The following LUZP2 variants were observed in gnomAD, a reference collection of about 807,000 sequenced individuals.
LUZP2 encodes the protein leucine zipper protein 2.
LUZP2 carries 52 observed loss-of-function variants against 51.6 expected under a neutral mutation model. That is an observed-to-expected ratio of 1.01 (90% CI 0.81 to 1.27). LUZP2 has a LOEUF of 1.27. Ranked by LOEUF, LUZP2 falls within the 50% of genes most tolerant of loss-of-function variation. The pLI is 0.00. For synonymous variants in LUZP2, 154 were observed against 137.3 expected (o/e 1.12, Z -0.85); for missense variants, 436 against 395.4 (o/e 1.10, Z -0.87).
At chr11:24,834,987 G>A (rs1020006203) in intron 5 of LUZP2, among the ~76,000 whole-genome samples, 3 of 152,038 alleles carry the variant, frequency 2.0e-5, no homozygotes, top group African/African-American at 7.3e-5. Flanking sequence ...GTAGATTCTG[G>A]ATATTAGACC....
chr11:24,650,048 A>T lies in LUZP2; in HGVS notation c.63-79121A>T, dbSNP rs527262636. 2.6e-5 allele frequency among the ~76,000 whole-genome samples: 4 copies of T among 151,474 alleles called. No homozygotes were observed. The East Asian group carries it at 7.8e-4, about 30-fold the overall frequency. On this transcript the variant is annotated intron_variant, in intron 1 of 11. Coordinates refer to ENST00000336930, the MANE Select transcript of LUZP2 (RefSeq NM_001009909.4). ...TTTTCTTACTTCTGCTGATCATCCTATATCTGTTCCAAGCTATTAAGGCCT... is the reference window on the plus strand; with the variant it reads ...TTTTCTTACTTCTGCTGATCATCCTTTATCTGTTCCAAGCTATTAAGGCCT...
At chr11:25,072,157 C>T (rs919604541) in intron 10 of LUZP2, among the ~76,000 whole-genome samples, 1 of 152,106 alleles carries the variant, frequency 6.6e-6, no homozygotes, top group Non-Finnish European at 1.5e-5. Flanking sequence ...TATGCCTGAT[C>T]TCAAAGCCTG....
chr11:24,975,595 A>G (rs894319009), intron 7 of LUZP2, among the ~76,000 whole-genome samples: 1 of 152,076 alleles, frequency 6.6e-6, no homozygotes, highest in African/African-American at 2.4e-5. Context: ...TGCTATATGT[A>G]TACAGATAAT....
intron 5 of LUZP2, among the ~76,000 whole-genome samples, chr11:24,904,581 C>A (rs1853387573): frequency 6.6e-6 from 1 of 152,170 alleles, no homozygotes; most frequent in Non-Finnish European, 1.5e-5. Flanking sequence ...CCACGCCCGA[C>A]CTATTTTGCC....
chr11:25,000,869 C>G (rs1007310438), intron 9 of LUZP2, among the ~76,000 whole-genome samples: 1 of 152,092 alleles, frequency 6.6e-6, no homozygotes, highest in South Asian at 2.1e-4. Context: ...ACTATCCTTA[C>G]TGAATAGATT....
At chr11:24,896,204 C>A (rs1434491506) in intron 5 of LUZP2, among the ~76,000 whole-genome samples, 1 of 152,252 alleles carries the variant, frequency 6.6e-6, no homozygotes, top group East Asian at 1.9e-4. Context: ...AGGAGCCCTT[C>A]AGTCCGCCAC....
chr11:24,805,315 C>T (rs1849821436), intron 5 of LUZP2, among the ~76,000 whole-genome samples: 1 of 152,014 alleles, frequency 6.6e-6, no homozygotes, highest in Non-Finnish European at 1.5e-5. Context: ...TCAATTACCT[C>T]CCACCAGGTT....
intron 5 of LUZP2, among the ~76,000 whole-genome samples, chr11:24,867,286 T>G (rs1371821836): frequency 6.6e-6 from 1 of 152,136 alleles, no homozygotes. Context: ...AAGACATAAT[T>G]TTTACCTGCA....
chr11:24,587,437 C>A (rs7926882), intron 1 of LUZP2, among the ~76,000 whole-genome samples: 3,314 of 152,158 alleles, frequency 0.022, 62 homozygotes, highest in Non-Finnish European at 0.032. Flanking sequence ...GAAGCCTGAG[C>A]GAGCATAAGC....
At chr11:24,813,659 G>A (rs922601004) in intron 5 of LUZP2, among the ~76,000 whole-genome samples, 6 of 152,188 alleles carry the variant, frequency 3.9e-5, no homozygotes, top group African/African-American at 1.2e-4. Context: ...CCACCAGGTC[G>A]CACCTCCAAA....
chr11:24,543,950 G>A (rs1055241487), intron 1 of LUZP2, among the ~76,000 whole-genome samples: 2 of 151,894 alleles, frequency 1.3e-5, no homozygotes, highest in Admixed American at 6.6e-5. Context: ...TGAGCAGTTC[G>A]GTCATTGTGT....
At chr11:24,920,847 T>A (rs996495616) in intron 7 of LUZP2, among the ~76,000 whole-genome samples, 3 of 152,128 alleles carry the variant, frequency 2.0e-5, no homozygotes, top group Non-Finnish European at 4.4e-5. Flanking sequence ...GTGTATCATG[T>A]ACATTATTTG....
intron 5 of LUZP2, among the ~76,000 whole-genome samples, chr11:24,776,520 T>C (rs1448306926): frequency 6.6e-6 from 1 of 152,210 alleles, no homozygotes; most frequent in East Asian, 1.9e-4. Flanking sequence ...AACTATCAAA[T>C]ACTTTTACTA....
chr11:25,030,384 T>C (rs1396396375), intron 9 of LUZP2, among the ~76,000 whole-genome samples: 1 of 152,168 alleles, frequency 6.6e-6, no homozygotes, highest in Non-Finnish European at 1.5e-5. Flanking sequence ...TTATTAGCAA[T>C]GCAGCTAAAA....
intron 4 of LUZP2, among the ~76,000 whole-genome samples, chr11:24,738,700 A>G (rs1859028702): frequency 6.6e-6 from 1 of 152,038 alleles, no homozygotes; most frequent in Non-Finnish European, 1.5e-5. Context: ...AGGGCCATGG[A>G]ATCTATTTAA....
intron 4 of LUZP2, among the ~76,000 whole-genome samples, chr11:24,744,330 C>A (rs1859295088): frequency 1.3e-5 from 2 of 152,122 alleles, no homozygotes. Context: ...TGCTGTGAAT[C>A]CATCTGGTCC....
intron 5 of LUZP2, among the ~76,000 whole-genome samples, chr11:24,768,208 A>G (rs1860269774): frequency 6.6e-6 from 1 of 151,900 alleles, no homozygotes; most frequent in African/African-American, 2.4e-5. Flanking sequence ...ATCTCAGCTC[A>G]CTGCAACCTC....
chr11:24,708,332 T>C (rs1489184245), intron 1 of LUZP2, among the ~76,000 whole-genome samples: 1 of 152,186 alleles, frequency 6.6e-6, no homozygotes, highest in East Asian at 1.9e-4. Context: ...GGGCATCTCT[T>C]AGCCCAGTCA....
intron 5 of LUZP2, among the ~76,000 whole-genome samples, chr11:24,808,161 G>A (rs1005606047): frequency 6.6e-6 from 1 of 152,038 alleles, no homozygotes; most frequent in Non-Finnish European, 1.5e-5. Context: ...TTTAAATTGC[G>A]GAGTTACTTG....
Sources: allele counts gnomAD v4.1 joint callset (sites outside exome capture counted in the v4.1 genomes callset), GRCh38; gene constraint gnomAD v4.1.1; transcripts MANE v1.5; gene names NCBI Gene and HGNC (gene_info 2026-07-23, HGNC 2026-07-21).